Variants in MGMT observed in about 807,000 individuals in gnomAD.
MGMT encodes the protein O-6-methylguanine-DNA methyltransferase.
In MGMT, 14 loss-of-function variants were observed where a neutral mutation model predicts 15.9. That is an observed-to-expected ratio of 0.88 (90% CI 0.58 to 1.37). The LOEUF (loss-of-function observed/expected upper bound fraction) is 1.37. MGMT is among the 40% of genes most tolerant of loss of function. The probability of loss-of-function intolerance (pLI) is 0.00; values close to 1 mark genes in which losing one functional copy is unlikely to be tolerated. For missense variants in MGMT, 282 were observed against 268.1 expected, an observed-to-expected ratio of 1.05 and a Z score of -0.36; for synonymous variants, 130 against 118.2, an observed-to-expected ratio of 1.10 and a Z score of -0.65.
At chr10:129,571,896 C>T (rs772020033) in intron 2 of MGMT, among the ~76,000 whole-genome samples, 5 of 152,162 alleles carry the variant, frequency 3.3e-5, no homozygotes, top group Non-Finnish European at 7.3e-5. Flanking sequence ...TTCATGCATG[C>T]AAGAATCGTT....
At chr10:129,475,002 TG>T (rs533961503) in intron 1 of MGMT, among the ~76,000 whole-genome samples, 3 of 151,122 alleles carry the variant, frequency 2.0e-5, no homozygotes, top group African/African-American at 4.9e-5. Context: ...TGGCCTTTGT[TG>T]GGGGGGGTGT....
At chr10:129,469,246 C>G (rs1402998195) in intron 1 of MGMT, among the ~76,000 whole-genome samples, 1 of 152,136 alleles carries the variant, frequency 6.6e-6, no homozygotes, top group Non-Finnish European at 1.5e-5. Context: ...ACACCAAAAC[C>G]CTGACTCTTT....
At chr10:129,630,091 A>G (rs1564742275) in intron 2 of MGMT, among the ~76,000 whole-genome samples, 1 of 152,194 alleles carries the variant, frequency 6.6e-6, no homozygotes, top group Non-Finnish European at 1.5e-5. Context: ...TTGTCTGGTT[A>G]ATCGCGTGCG....
At chr10:129,711,688 A>G (rs898603466) in intron 3 of MGMT, among the ~76,000 whole-genome samples, 6 of 152,124 alleles carry the variant, frequency 3.9e-5, no homozygotes, top group Admixed American at 1.3e-4. Flanking sequence ...TAAAGTGTCA[A>G]CAAAATCCAT....
At chr10:129,667,454 G>T (rs761623626) in intron 2 of MGMT, among the ~76,000 whole-genome samples, 1 of 152,054 alleles carries the variant, frequency 6.6e-6, no homozygotes, top group African/African-American at 2.4e-5. Context: ...GCATGTCACC[G>T]TAGCTTGTTC....
intron 1 of MGMT, among the ~76,000 whole-genome samples, chr10:129,494,790 A>T (rs941010111): frequency 1.3e-5 from 2 of 152,168 alleles, no homozygotes; most frequent in Non-Finnish European, 2.9e-5. Flanking sequence ...GTCTATTCTA[A>T]TCCTGACATC....
intron 3 of MGMT, among the ~76,000 whole-genome samples, chr10:129,750,758 C>T (rs976715921): frequency 6.6e-6 from 1 of 152,010 alleles, no homozygotes; most frequent in Non-Finnish European, 1.5e-5. Flanking sequence ...CAATGGATAC[C>T]AAGGAATGAC....
At chr10:129,469,685 A>G (rs1328549809) in intron 1 of MGMT, among the ~76,000 whole-genome samples, 4 of 152,156 alleles carry the variant, frequency 2.6e-5, no homozygotes, top group Non-Finnish European at 5.9e-5. Context: ...TTTCTGAAAG[A>G]GCTGGGGTCT....
intron 3 of MGMT, among the ~76,000 whole-genome samples, chr10:129,709,851 C>T (rs892270360): frequency 7.9e-5 from 12 of 152,188 alleles, no homozygotes; most frequent in Admixed American, 3.3e-4. Flanking sequence ...CAGGAAGAAC[C>T]GGAGGAGGAG....
intron 2 of MGMT, among the ~76,000 whole-genome samples, chr10:129,547,031 G>A (rs1042331442): frequency 2.6e-5 from 4 of 152,178 alleles, no homozygotes; most frequent in Non-Finnish European, 5.9e-5. Flanking sequence ...GGGTGGACAG[G>A]AGGGAGAGAA....
intron 3 of MGMT, among the ~76,000 whole-genome samples, chr10:129,744,755 G>A (rs1031831840): frequency 1.3e-5 from 2 of 152,216 alleles, no homozygotes; most frequent in Non-Finnish European, 2.9e-5. Context: ...CCGCCACATC[G>A]CCAGCCGTGT....
chr10:129,593,192 G>A (rs990518165), intron 2 of MGMT, among the ~76,000 whole-genome samples: 2 of 152,156 alleles, frequency 1.3e-5, no homozygotes, highest in Non-Finnish European at 1.5e-5. Context: ...TCATTCCCTC[G>A]ATGTTATCCG....
intron 3 of MGMT, among the ~76,000 whole-genome samples, chr10:129,710,963 A>G (rs1344500393): frequency 1.3e-5 from 2 of 152,182 alleles, no homozygotes; most frequent in African/African-American, 4.8e-5. Flanking sequence ...AGGTTTATCT[A>G]TTTCAACCTG....
intron 3 of MGMT, among the ~76,000 whole-genome samples, chr10:129,731,397 C>G (rs903694150): frequency 1.8e-4 from 22 of 124,698 alleles, no homozygotes; most frequent in Non-Finnish European, 3.0e-4. Context: ...GAGTCTCGCT[C>G]TGTTGCCCAA....
At chr10:129,536,626 G>A (rs1564845557) in intron 2 of MGMT, 1 of 404,634 alleles carries the variant, frequency 2.5e-6, no homozygotes, top group Non-Finnish European at 4.3e-6. Context: ...CCTTTCATTA[G>A]TAGCTCTAAG....
intron 2 of MGMT, among the ~76,000 whole-genome samples, chr10:129,666,362 A>C (rs141565344): frequency 6.6e-6 from 1 of 152,288 alleles, no homozygotes; most frequent in African/African-American, 2.4e-5. Flanking sequence ...AATTTCTGTT[A>C]ATTTTGAGAA....
At chr10:129,730,425 T>G (rs914945072) in intron 3 of MGMT, among the ~76,000 whole-genome samples, 2 of 152,182 alleles carry the variant, frequency 1.3e-5, no homozygotes, top group African/African-American at 4.8e-5. Context: ...TGGGATTGTG[T>G]GAGGCGAGCG....
At position 129,766,608 on chromosome 10, in the gene MGMT, CAG is replaced by C. The variant is rs55730438; in HGVS notation, c.415-179_415-178del. The stretch of plus-strand genomic sequence containing the variant: ...GAGACCCCCAGGGACTCAAGGGCCT[CAG>C]GGGAGGGGAAGTCCATGCTGAGACA... On this transcript the variant is annotated intron_variant, in intron 4 of 4. Coordinates refer to ENST00000651593, the MANE Select transcript of MGMT (RefSeq NM_002412.5). Among the ~76,000 whole-genome samples, 270 of 152,328 alleles carry C rather than the reference CAG, an allele frequency of 1.8e-3. 2 individuals are homozygous for C. The highest frequency in any genetic ancestry group is 6.3e-3 in the African/African-American group (263 of 41,582).
chr10:129,700,829 A>T (rs914253392), intron 2 of MGMT: 2 of 152,230 alleles, frequency 1.3e-5, no homozygotes, highest in Admixed American at 1.3e-4. Flanking sequence ...TCCATCAAAC[A>T]CAAGACACTC....
Sources: allele counts gnomAD v4.1 joint callset (sites outside exome capture counted in the v4.1 genomes callset), GRCh38; gene constraint gnomAD v4.1.1; transcripts MANE v1.5; gene names NCBI Gene and HGNC (gene_info 2026-07-23, HGNC 2026-07-21).